PTPRG: variants seen among roughly 807,000 people sequenced by gnomAD.
The protein encoded by PTPRG is protein tyrosine phosphatase receptor type G, also known as receptor-type tyrosine-protein phosphatase gamma.
PTPRG carries 102 observed loss-of-function variants against 165.3 expected under a neutral mutation model. The ratio of observed to expected loss-of-function variants is 0.62; its 90% CI spans 0.53 to 0.73. PTPRG has a LOEUF of 0.73. Ranked by LOEUF, PTPRG falls within the 30% of genes least tolerant of loss-of-function variation. The pLI is 0.00. For missense variants in PTPRG, 1,866 were observed against 1,861.4 expected, an observed-to-expected ratio of 1.00 and a Z score of -0.05; for synonymous variants, 675 against 669.5, an observed-to-expected ratio of 1.01 and a Z score of -0.13.
intron 12 of PTPRG, among the ~76,000 whole-genome samples, chr3:62,212,653 T>A (rs1450523218): frequency 6.6e-6 from 1 of 152,128 alleles, no homozygotes; most frequent in African/African-American, 2.4e-5. Flanking sequence ...GCTGGTCTGG[T>A]GTGACATTAG....
chr3:62,089,351 A>G (rs1002356038), intron 5 of PTPRG, among the ~76,000 whole-genome samples: 5 of 152,100 alleles, frequency 3.3e-5, no homozygotes, highest in African/African-American at 1.2e-4. Flanking sequence ...GAGACTTTTT[A>G]TGATTTTCCC....
intron 1 of PTPRG, among the ~76,000 whole-genome samples, chr3:61,726,634 C>T (rs890542810): frequency 5.9e-5 from 9 of 152,156 alleles, no homozygotes; most frequent in Admixed American, 6.5e-5. Context: ...TTGCCTGTTT[C>T]GATGCCTGAA....
chr3:61,713,396 C>A (rs563744165), intron 1 of PTPRG, among the ~76,000 whole-genome samples: 2 of 150,278 alleles, frequency 1.3e-5, no homozygotes, highest in Admixed American at 6.7e-5. Flanking sequence ...TTGTCTCAAA[C>A]TCCTGACCTC....
At chr3:61,625,767 A>G (rs1559529557) in intron 1 of PTPRG, among the ~76,000 whole-genome samples, 1 of 152,218 alleles carries the variant, frequency 6.6e-6, no homozygotes, top group Non-Finnish European at 1.5e-5. Context: ...TAAGCATTTC[A>G]GCCTCCAACA....
intron 10 of PTPRG, among the ~76,000 whole-genome samples, chr3:62,196,217 C>A (rs1209401794): frequency 2.6e-5 from 4 of 151,642 alleles, no homozygotes; most frequent in African/African-American, 7.3e-5. Flanking sequence ...CATGGTGAAA[C>A]CCCGTCTCTA....
In PTPRG at chr3:62,203,580, CGAG is replaced by C. The variant is rs1559645039; in HGVS notation, c.1791_1793del (p.Glu597del). ...AGAGTGAGGATGGGGAGCGGGAGCACGAGGAGGATGGAGAGAAGGACTCCGAAA... is the reference window on the plus strand; with the variant it reads ...AGAGTGAGGATGGGGAGCGGGAGCACGAGGATGGAGAGAAGGACTCCGAAA... On this transcript the variant is annotated inframe_deletion, in exon 12 of 30. Transcript: ENST00000474889. The surrounding 1 kb of genome is among the most constrained non-coding windows in gnomAD (Gnocchi z 6.4). 3.2e-6 allele frequency: 5 copies of C among 1,552,488 alleles called. No individual in the cohort carries two copies. In the South Asian group the frequency reaches 5.9e-5, roughly 18 times the overall value.
chr3:61,752,496 T>C (rs1424790614), intron 2 of PTPRG, among the ~76,000 whole-genome samples: 1 of 152,110 alleles, frequency 6.6e-6, no homozygotes, highest in Non-Finnish European at 1.5e-5. Flanking sequence ...TGGCCTCTTA[T>C]AGAAAAAGTT....
chr3:61,696,790 A>G (rs1346093613), intron 1 of PTPRG, among the ~76,000 whole-genome samples: 12 of 152,178 alleles, frequency 7.9e-5, no homozygotes, highest in Admixed American at 7.9e-4. Context: ...AGGAGCTATG[A>G]TAACTTACCA....
chr3:61,831,438 C>T (rs2036291589), intron 2 of PTPRG, among the ~76,000 whole-genome samples: 1 of 152,098 alleles, frequency 6.6e-6, no homozygotes, highest in Non-Finnish European at 1.5e-5. Context: ...CCTTTTGTTC[C>T]ATTTTAAAAA....
chr3:61,567,489 T>C lies in PTPRG; in HGVS notation c.85+5117T>C, dbSNP rs971758276. On this transcript the variant is annotated intron_variant, in intron 1 of 29. Transcript: ENST00000474889. ...AAGTTCGAGACCAGCCAGGGCAACA[T>C]AGGGAGACCCTGCCTCTACAGATAA... Among the ~76,000 whole-genome samples, 4 of 151,706 alleles carry C rather than the reference T, an allele frequency of 2.6e-5. No individual in the cohort carries two copies. In the South Asian group the frequency reaches 8.3e-4, roughly 32 times the overall value.
At chr3:62,127,000 A>G (rs921907641) in intron 5 of PTPRG, among the ~76,000 whole-genome samples, 2 of 152,270 alleles carry the variant, frequency 1.3e-5, no homozygotes, top group Non-Finnish European at 1.5e-5. Flanking sequence ...ACCATTGGCT[A>G]TACAAGAAGG....
intron 2 of PTPRG, among the ~76,000 whole-genome samples, chr3:61,826,775 G>C (rs1433782046): frequency 6.6e-6 from 1 of 151,362 alleles, no homozygotes. Context: ...AAGTATCATA[G>C]GTCTAGAGTC....
chr3:62,018,325 CT>C (rs2041600307), intron 4 of PTPRG, among the ~76,000 whole-genome samples: 1 of 152,172 alleles, frequency 6.6e-6, no homozygotes, highest in Non-Finnish European at 1.5e-5. Context: ...TGACAGTCTG[CT>C]TTTCCACGTT....
At chr3:62,272,917 T>G in intron 21 of PTPRG, 29 bp from the exon 22 acceptor site, 1 of 1,552,932 alleles carries the variant, frequency 6.4e-7, no homozygotes, top group Non-Finnish European at 8.7e-7. Context: ...AAAACAAAAG[T>G]GCCAGTTGAG....
chr3:61,917,538 G>T (rs934912994), intron 2 of PTPRG, among the ~76,000 whole-genome samples: 6 of 152,132 alleles, frequency 3.9e-5, no homozygotes, highest in African/African-American at 1.4e-4. Flanking sequence ...TAATGTGTCA[G>T]CATTCAGAGG....
At position 62,203,874 on chromosome 3, in the gene PTPRG, C is replaced by T. The variant is rs201045391; in HGVS notation, c.2079C>T (p.Pro693=). ...EQYAGSDPKR[P]EMPSKKPMSR... is the part of the protein sequence containing the mutation. Reference sequence around the variant, plus strand: ...ATGCAGGGAGTGATCCCAAGAGGCCCGAAATGCCATCTAAAAAGCCTATGT... The same window carrying T: ...ATGCAGGGAGTGATCCCAAGAGGCCTGAAATGCCATCTAAAAAGCCTATGT... Residue 693 remains proline, a synonymous_variant, in exon 12 of 30, where the codon CCC becomes CCT. Transcript: ENST00000474889. This position sits in a 1 kb window ranked among gnomAD's most constrained non-coding sequence, Gnocchi z 6.4. 8.3e-5 allele frequency: 134 copies of T among 1,613,574 alleles called. No homozygotes were observed. Among genetic ancestry groups the T allele is most frequent in the Non-Finnish European group, 8.1e-5 (95 of 1,179,732 alleles).
intron 1 of PTPRG, among the ~76,000 whole-genome samples, chr3:61,634,968 T>C (rs1468095421): frequency 2.6e-5 from 4 of 152,196 alleles, no homozygotes; most frequent in Non-Finnish European, 5.9e-5. Flanking sequence ...TTTGATTGCA[T>C]TCGTTTGCCC....
intron 19 of PTPRG, among the ~76,000 whole-genome samples, chr3:62,268,105 T>G (rs1333824592): frequency 6.6e-6 from 1 of 151,942 alleles, no homozygotes; most frequent in Admixed American, 6.6e-5. Context: ...GAGCAAATAC[T>G]TGAGACTTGA....
rs61469042 is a variant in PTPRG at position 61,762,146 on chromosome 3, A to G, written c.190+13164A>G. Among the ~76,000 whole-genome samples the G allele has an allele frequency of 3.5e-3, 538 of 152,218 alleles. 2 individuals are homozygous for G. The highest frequency in any genetic ancestry group is 0.012 in the African/African-American group (497 of 41,512). On this transcript the variant is annotated intron_variant, in intron 2 of 29. Coordinates refer to ENST00000474889, the MANE Select transcript of PTPRG (RefSeq NM_002841.4). Reference sequence around the variant, plus strand: ...TTTTCTTCTCGCTGTTGATAAGTACATGGTCCACACTCTCCTCTTGGGGAG... The same window carrying G: ...TTTTCTTCTCGCTGTTGATAAGTACGTGGTCCACACTCTCCTCTTGGGGAG...
Sources: allele counts gnomAD v4.1 joint callset (sites outside exome capture counted in the v4.1 genomes callset), GRCh38; gene constraint gnomAD v4.1.1; non-coding constraint Gnocchi (gnomAD v3.1); transcripts MANE v1.5; gene names NCBI Gene and HGNC (gene_info 2026-07-23, HGNC 2026-07-21).